LMNB1: variants seen among roughly 807,000 people sequenced by gnomAD.
LMNB1 encodes the protein lamin B1, also known as lamin-B1.
LMNB1 carries 23 observed loss-of-function variants against 67.1 expected under a neutral mutation model. The ratio of observed to expected loss-of-function variants is 0.34; its 90% CI spans 0.25 to 0.49. The LOEUF (loss-of-function observed/expected upper bound fraction) is 0.49. Ranked by LOEUF, LMNB1 falls within the 20% of genes least tolerant of loss-of-function variation. The pLI is 0.99. For synonymous variants in LMNB1, 281 were observed against 282.9 expected (o/e 0.99, Z 0.07); for missense variants, 634 against 746.5 (o/e 0.85, Z 1.76).
intron 5 of LMNB1, among the ~76,000 whole-genome samples, chr5:126,814,101 G>T (rs1751645924): frequency 6.6e-6 from 1 of 152,068 alleles, no homozygotes. Context: ...CTCCATGTTG[G>T]TCAGGCCGGT....
intron 7 of LMNB1, among the ~76,000 whole-genome samples, chr5:126,821,540 G>A (rs1276542674): frequency 6.6e-6 from 1 of 152,172 alleles, no homozygotes; most frequent in Non-Finnish European, 1.5e-5. Context: ...GGAGATAAGA[G>A]CCTGGACTCA....
At chr5:126,808,308 C>G (rs780441395) in intron 3 of LMNB1, among the ~76,000 whole-genome samples, 1 of 151,860 alleles carries the variant, frequency 6.6e-6, no homozygotes, top group Non-Finnish European at 1.5e-5. Flanking sequence ...CTCAGCCTCA[C>G]GAGTAGCTGG....
At chr5:126,798,250 C>G (rs944064896) in intron 1 of LMNB1, among the ~76,000 whole-genome samples, 2 of 152,104 alleles carry the variant, frequency 1.3e-5, no homozygotes, top group Non-Finnish European at 1.5e-5. Flanking sequence ...CAGTAGTTGA[C>G]CATCCTGGCC....
intron 9 of LMNB1, among the ~76,000 whole-genome samples, chr5:126,828,894 C>T (rs1040221697): frequency 3.9e-5 from 6 of 152,096 alleles, no homozygotes; most frequent in African/African-American, 1.4e-4. Flanking sequence ...ACTTCTAATA[C>T]CTTCAGCTTG....
At position 126,777,512 on chromosome 5, in the gene LMNB1, G is replaced by T; in HGVS notation, c.4G>T (p.Ala2Ser). The change falls in exon 1 of 11, where the codon GCG becomes TCG. Residue 2 changes from alanine (A) to serine (S), a missense_variant. Transcript: ENST00000261366. M[A>S]TATPVPPRMG... is the part of the protein sequence containing the mutation. Reference sequence around the variant, plus strand: ...CCCGCTGTCTCCGCCGCCCGCCATGGCGACTGCGACCCCCGTGCCGCCGCG... The same window carrying T: ...CCCGCTGTCTCCGCCGCCCGCCATGTCGACTGCGACCCCCGTGCCGCCGCG... 4 of 1,346,746 alleles carry T rather than the reference G, an allele frequency of 3.0e-6. No individual in the cohort carries two copies. The highest frequency in any genetic ancestry group is 3.8e-6 in the Non-Finnish European group (4 of 1,051,494). 83.4% of individuals were successfully genotyped at this position (1,346,746 alleles called of 1,614,324 possible).
At chr5:126,798,852 A>G (rs1751186282) in intron 1 of LMNB1, among the ~76,000 whole-genome samples, 2 of 152,068 alleles carry the variant, frequency 1.3e-5, no homozygotes, top group Non-Finnish European at 2.9e-5. Flanking sequence ...TGTAGGAATA[A>G]TAAGTCATGG....
chr5:126,805,557 T>G lies in LMNB1; in HGVS notation c.517-14T>G. The G allele has an allele frequency of 6.4e-7, 1 of 1,571,550 alleles. No individual in the cohort carries two copies. The highest frequency in any genetic ancestry group is 1.4e-5 in the African/African-American group (1 of 73,750). On this transcript the variant is annotated splice_polypyrimidine_tract_variant and intron_variant, in intron 2 of 10. Coordinates refer to ENST00000261366, the MANE Select transcript of LMNB1 (RefSeq NM_005573.4). ...CCATGTAATTTTTATCACAATTCTT[T>G]TTCCTTGTAATAGTTGGAAGCCTCC... is the stretch of plus-strand genomic sequence containing the variant.
chr5:126,780,696 G>A (rs1279621657), intron 1 of LMNB1, among the ~76,000 whole-genome samples: 2 of 152,120 alleles, frequency 1.3e-5, no homozygotes, highest in Admixed American at 6.6e-5. Context: ...TCTTAAGTCT[G>A]TGCTACTGTA....
chr5:126,794,017 C>G (rs1295983171), intron 1 of LMNB1, among the ~76,000 whole-genome samples: 1 of 152,012 alleles, frequency 6.6e-6, no homozygotes, highest in African/African-American at 2.4e-5. Flanking sequence ...TCACTGCTAC[C>G]TCCATCTCCT....
intron 1 of LMNB1, among the ~76,000 whole-genome samples, chr5:126,786,589 A>G (rs759524711): frequency 1.4e-4 from 22 of 152,164 alleles, no homozygotes; most frequent in Non-Finnish European, 3.1e-4. Context: ...ACCTTATTTC[A>G]TCCATACAAC....
At chr5:126,815,248 G>A (rs1751680229) in intron 5 of LMNB1, 1 of 152,118 alleles carries the variant, frequency 6.6e-6, no homozygotes, top group South Asian at 2.1e-4. Context: ...AATAACTCAG[G>A]TTAGTGAAGT....
At chr5:126,781,830 T>C (rs1372722636) in intron 1 of LMNB1, among the ~76,000 whole-genome samples, 2 of 152,204 alleles carry the variant, frequency 1.3e-5, no homozygotes, top group Non-Finnish European at 2.9e-5. Flanking sequence ...TTGAGAGAAT[T>C]ATAGATTCCA....
chr5:126,784,821 G>C (rs886118034), intron 1 of LMNB1, among the ~76,000 whole-genome samples: 3 of 150,594 alleles, frequency 2.0e-5, no homozygotes, highest in Non-Finnish European at 4.4e-5. Context: ...CACCACGCCG[G>C]GCTAATTTTT....
At chr5:126,779,788 T>A (rs1446228388) in intron 1 of LMNB1, among the ~76,000 whole-genome samples, 1 of 151,922 alleles carries the variant, frequency 6.6e-6, no homozygotes, top group Non-Finnish European at 1.5e-5. Flanking sequence ...ATCCCAGCAC[T>A]TTGGGAGGCC....
In LMNB1 at chr5:126,777,232, C is replaced by G. The variant is rs559616276; in HGVS notation, c.-277C>G. 13 of 322,236 alleles carry G rather than the reference C, an allele frequency of 4.0e-5. No individual in the cohort carries two copies. In the East Asian group the frequency reaches 6.4e-4, roughly 16 times the overall value. The allele number at this position is 322,236 out of a possible 1,614,324, so 20.0% of individuals were successfully genotyped here. A position where few individuals can be genotyped will look rare whatever the true frequency, so the allele number is the denominator to read the frequency against. On this transcript the variant is annotated 5_prime_UTR_variant, in exon 1 of 11. Coordinates refer to ENST00000261366, the MANE Select transcript of LMNB1 (RefSeq NM_005573.4). ...TCCAGTCACCCTCGTCTTGCATTTT[C>G]CCGCGTGCGTGTGTGAGTGGGTGTG...
chr5:126,788,358 C>T (rs1750863398), intron 1 of LMNB1, among the ~76,000 whole-genome samples: 1 of 152,130 alleles, frequency 6.6e-6, no homozygotes, highest in Admixed American at 6.6e-5. Context: ...AGAGGTGAGG[C>T]TGGGCGTGGT....
At chr5:126,784,834 T>TA (rs1368814139) in intron 1 of LMNB1, among the ~76,000 whole-genome samples, 1 of 150,812 alleles carries the variant, frequency 6.6e-6, no homozygotes, top group African/African-American at 2.4e-5. Context: ...TAATTTTTTT[T>TA]TATATTTTTA....
rs142214610 is a variant in LMNB1, at chr5:126,805,697, G to GTAAC, written c.642+4_642+7dup. The GTAAC allele has an allele frequency of 5.1e-4, 811 of 1,605,636 alleles. 10 individuals are homozygous for GTAAC. The African/African-American group carries it at 9.4e-3, about 19-fold the overall frequency. On this transcript the variant is annotated splice_donor_variant, in intron 3 of 10. Coordinates refer to ENST00000261366, the MANE Select transcript of LMNB1 (RefSeq NM_005573.4). LOFTEE classifies it high-confidence loss of function. ...GTTTCGCAAAAGCATGTATGAAGAG[G>GTAAC]TAACTATATATAATTTTGCTTTGTA...
chr5:126,813,350 G>C (rs1166809936), intron 5 of LMNB1, among the ~76,000 whole-genome samples: 1 of 152,192 alleles, frequency 6.6e-6, no homozygotes, highest in Non-Finnish European at 1.5e-5. Context: ...CACAGATCTA[G>C]GTGAGTTTAA....
Sources: allele counts gnomAD v4.1 joint callset (sites outside exome capture counted in the v4.1 genomes callset), GRCh38; gene constraint gnomAD v4.1.1; transcripts MANE v1.5; gene names NCBI Gene and HGNC (gene_info 2026-07-23, HGNC 2026-07-21).